Variants in ANKS1B observed in about 807,000 individuals in gnomAD.
ANKS1B encodes the protein ankyrin repeat and sterile alpha motif domain-containing protein 1B.
In ANKS1B, 36 loss-of-function variants were observed where a neutral mutation model predicts 148.3. The ratio of observed to expected loss-of-function variants is 0.24; its 90% confidence interval spans 0.19 to 0.32. The LOEUF (loss-of-function observed/expected upper bound fraction) is 0.32, where lower values mean the gene tolerates loss of function less well. Among genes scored for constraint, ANKS1B ranks in the 10% least tolerant of loss-of-function variants. ANKS1B has a pLI of 1.00. For missense variants in ANKS1B, 1,157 were observed against 1,542.6 expected (o/e 0.75, Z 4.19); for synonymous variants, 542 against 560.8 (o/e 0.97, Z 0.47).
intron 12 of ANKS1B, among the ~76,000 whole-genome samples, chr12:99,290,554 C>T (rs1379720995): frequency 1.3e-5 from 2 of 151,892 alleles, no homozygotes; most frequent in African/African-American, 2.4e-5. Flanking sequence ...TTCAGCAACA[C>T]ATTAAAAAGG....
At chr12:99,443,126 A>G (rs995024510) in intron 11 of ANKS1B, among the ~76,000 whole-genome samples, 3 of 152,020 alleles carry the variant, frequency 2.0e-5, no homozygotes. Context: ...TAGAGGAAAG[A>G]GACAGGAATG....
At chr12:99,621,710 C>A (rs2098053353) in intron 9 of ANKS1B, among the ~76,000 whole-genome samples, 2 of 151,954 alleles carry the variant, frequency 1.3e-5, no homozygotes. Context: ...ACTTAACTAT[C>A]CTAGATATAT....
Position 98,812,940 on chromosome 12 carries a change from G to A in ANKS1B, c.3067-5022C>T, listed in dbSNP as rs61933595. On this transcript the variant is annotated intron_variant, in intron 19 of 26. Transcript: ENST00000683438. ...AATTTGTCAGGCTCACAGAGCAAGC[G>A]ACTTAAGGCAGACCTGTTGTAACTG... is the stretch of plus-strand genomic sequence containing the variant. Among the ~76,000 whole-genome samples the A allele has an allele frequency of 2.0e-5, 3 of 152,224 alleles. No individual in the cohort carries two copies. In the East Asian group the frequency reaches 5.8e-4, roughly 29 times the overall value.
intron 22 of ANKS1B, among the ~76,000 whole-genome samples, chr12:98,796,462 C>T (rs2098950507): frequency 6.6e-6 from 1 of 152,056 alleles, no homozygotes; most frequent in Admixed American, 6.6e-5. Flanking sequence ...ACAGAGAAAA[C>T]AGCAACTTGG....
Position 99,984,256 on chromosome 12 carries a change from C to G in ANKS1B, c.-19G>C. ...TCCCCATAGTCTCTCACCGACTCCC[C>G]CACAGAGTCCTTGCCCCCCTCGGGT... On this transcript the variant is annotated 5_prime_UTR_variant, in exon 1 of 27. Transcript: ENST00000683438. The G allele has an allele frequency of 6.2e-7, 1 of 1,608,532 alleles. No individual in the cohort carries two copies. The highest frequency in any genetic ancestry group is 1.3e-5 in the African/African-American group (1 of 74,948).
intron 14 of ANKS1B, among the ~76,000 whole-genome samples, chr12:99,230,607 G>T (rs1287933179): frequency 1.3e-5 from 2 of 152,084 alleles, no homozygotes; most frequent in African/African-American, 4.8e-5. Flanking sequence ...AATCTCAGCG[G>T]TATTTGAAAG....
chr12:99,677,388 A>G (rs897177498), intron 8 of ANKS1B, among the ~76,000 whole-genome samples: 1 of 152,162 alleles, frequency 6.6e-6, no homozygotes, highest in African/African-American at 2.4e-5. Flanking sequence ...AGTAGCAAAT[A>G]ATATAGCCTA....
intron 1 of ANKS1B, among the ~76,000 whole-genome samples, chr12:99,969,301 CCT>C (rs1363121589): frequency 2.0e-5 from 3 of 152,074 alleles, no homozygotes; most frequent in African/African-American, 7.2e-5. Context: ...ACCTCATCCC[CCT>C]GAGTAGCTAG....
chr12:99,853,026 G>C (rs986866006), intron 1 of ANKS1B, among the ~76,000 whole-genome samples: 1 of 152,128 alleles, frequency 6.6e-6, no homozygotes, highest in Admixed American at 6.5e-5. Flanking sequence ...CATTGGCCTG[G>C]GAACCAAACT....
At chr12:99,252,928 A>T (rs543708461) in intron 12 of ANKS1B, among the ~76,000 whole-genome samples, 2 of 152,224 alleles carry the variant, frequency 1.3e-5, no homozygotes, top group East Asian at 3.9e-4. Flanking sequence ...CATTTCATAT[A>T]ATGGGGCAGT....
chr12:99,765,151 T>C (rs528554543), intron 8 of ANKS1B, among the ~76,000 whole-genome samples: 21 of 152,318 alleles, frequency 1.4e-4, no homozygotes, highest in African/African-American at 4.8e-4. Context: ...ATTTACCTTT[T>C]GGGCAACTGA....
At chr12:99,401,407 T>C (rs1172295399) in intron 11 of ANKS1B, among the ~76,000 whole-genome samples, 1 of 146,426 alleles carries the variant, frequency 6.8e-6, no homozygotes, top group African/African-American at 2.6e-5. Flanking sequence ...GTGTAGGCAA[T>C]GGACCACATT....
intron 10 of ANKS1B, among the ~76,000 whole-genome samples, chr12:99,447,460 T>A (rs934802025): frequency 3.9e-5 from 6 of 151,988 alleles, no homozygotes; most frequent in Non-Finnish European, 8.8e-5. Context: ...AACATTTTCT[T>A]AATTAATTAA....
intron 17 of ANKS1B, among the ~76,000 whole-genome samples, chr12:98,996,812 CAAAAAAAAAAAAAAAA>C (rs1160748107): frequency 4.9e-5 from 2 of 40,628 alleles, no homozygotes; most frequent in Non-Finnish European, 8.6e-5. Flanking sequence ...GACTCTATCT[CAAAAAAAAAAAAAAAA>C]AAAAAAAAAA....
chr12:99,363,442 G>A (rs1035103314), intron 12 of ANKS1B, among the ~76,000 whole-genome samples: 9 of 152,080 alleles, frequency 5.9e-5, no homozygotes, highest in South Asian at 2.1e-4. Flanking sequence ...ATAATACAGC[G>A]TATAAGTGAT....
chr12:99,568,673 C>T (rs576391548), intron 9 of ANKS1B, among the ~76,000 whole-genome samples: 17 of 152,198 alleles, frequency 1.1e-4, no homozygotes, highest in African/African-American at 3.9e-4. Context: ...TTAGATTGAA[C>T]AAATTTGATT....
rs35481645 is a variant in ANKS1B, at chr12:99,646,652, C to CAAA, written c.1272+8412_1272+8414dup. 5.0e-4 allele frequency among the ~76,000 whole-genome samples: 18 copies of CAAA among 35,878 alleles called. 1 individual carries two copies. The highest frequency in any genetic ancestry group is 1.4e-3 in the African/African-American group (14 of 10,004). The allele number at this position is 35,878 out of a possible 152,430, so 23.5% of individuals were successfully genotyped here. Reference sequence around the variant, plus strand: ...CGGGTGACAGAGTGAGACTCCATCTCAAAAAAAAAAAAAAAAAAAAAAAAA... The same window carrying CAAA: ...CGGGTGACAGAGTGAGACTCCATCTCAAAAAAAAAAAAAAAAAAAAAAAAAAAA... On this transcript the variant is annotated intron_variant, in intron 9 of 26. Coordinates refer to ENST00000683438, the MANE Select transcript of ANKS1B (RefSeq NM_001352186.2).
chr12:98,751,593 C>CA lies in ANKS1B; in HGVS notation c.3580-72dup. 1 of 1,462,458 alleles carries CA rather than the reference C, an allele frequency of 6.8e-7. No homozygotes were observed. Among genetic ancestry groups the CA allele is most frequent in the Non-Finnish European group, 9.5e-7 (1 of 1,057,642 alleles). The allele number at this position is 1,462,458 out of a possible 1,614,324, so 90.6% of individuals were successfully genotyped here. A position where few individuals can be genotyped will look rare whatever the true frequency, so the allele number is the denominator to read the frequency against. ...TAGAATGGGTCGAATGGCTGAGGAACACTGAGGGAGGTGAACTAGGGAGGA... is the reference window on the plus strand; with the variant it reads ...TAGAATGGGTCGAATGGCTGAGGAACAACTGAGGGAGGTGAACTAGGGAGGA... On this transcript the variant is annotated intron_variant, in intron 25 of 26. Coordinates refer to ENST00000683438, the MANE Select transcript of ANKS1B (RefSeq NM_001352186.2). The surrounding 1 kb of genome is among the most constrained non-coding windows in gnomAD (Gnocchi z 4.3).
chr12:99,421,534 GA>G (rs1350282782), intron 11 of ANKS1B, among the ~76,000 whole-genome samples: 1 of 151,942 alleles, frequency 6.6e-6, no homozygotes, highest in Non-Finnish European at 1.5e-5. Flanking sequence ...AAAGAAGGGG[GA>G]AAAAGAAGAG....
Sources: allele counts gnomAD v4.1 joint callset (sites outside exome capture counted in the v4.1 genomes callset), GRCh38; gene constraint gnomAD v4.1.1; non-coding constraint Gnocchi (gnomAD v3.1); transcripts MANE v1.5; gene names NCBI Gene and HGNC (gene_info 2026-07-23, HGNC 2026-07-21).